KLHL17: variants seen among roughly 807,000 people sequenced by gnomAD.
The protein encoded by KLHL17 is kelch-like protein 17.
Under a neutral mutation model 64.6 loss-of-function variants are expected in KLHL17, and 71 were observed. The observed-to-expected ratio is 1.10, with a 90% confidence interval of 0.91 to 1.34. The LOEUF is 1.34. KLHL17 is among the 40% of genes most tolerant of loss of function. KLHL17 has a pLI of 0.00. For missense variants in KLHL17, 1,140 were observed against 935.0 expected, an observed-to-expected ratio of 1.22 and a Z score of -2.86; for synonymous variants, 612 against 405.4, an observed-to-expected ratio of 1.51 and a Z score of -6.12.
In KLHL17 at chr1:962,481, G is replaced by A. The variant is rs557556167; in HGVS notation, c.828+10G>A. ...GCAGCATGTCCCACGGGTGAGGCGC[G>A]GCCGCGGGGGGCTCCCACAGCATCC... is the stretch of plus-strand genomic sequence containing the variant. On this transcript the variant is annotated intron_variant, in intron 5 of 11. Coordinates refer to ENST00000338591, the MANE Select transcript of KLHL17 (RefSeq NM_198317.3). 24 of 1,611,312 alleles carry A rather than the reference G, an allele frequency of 1.5e-5. No homozygotes were observed. The African/African-American group carries it at 1.7e-4, about 12-fold the overall frequency.
In KLHL17 at chr1:961,649, C is replaced by CA. The variant is rs756310467; in HGVS notation, c.389dup (p.Thr131AspfsTer24). The stretch of plus-strand genomic sequence containing the variant: ...CGCAGATGAGATGAGCGAGAGCCGC[C>CA]AGACCCACGTGACGCTGCACGACAT... On this transcript the variant is annotated frameshift_variant, in exon 3 of 12. Coordinates refer to ENST00000338591, the MANE Select transcript of KLHL17 (RefSeq NM_198317.3). LOFTEE classifies it high-confidence loss of function. 138 of 1,612,656 alleles carry CA rather than the reference C, an allele frequency of 8.6e-5. No homozygotes were observed. Among genetic ancestry groups the CA allele is most frequent in the Non-Finnish European group, 1.1e-4 (134 of 1,179,850 alleles).
rs1302626207 is a variant in KLHL17 at position 965,195 on chromosome 1, A to G, written c.*4A>G. On this transcript the variant is annotated 3_prime_UTR_variant, in exon 12 of 12. Transcript: ENST00000338591. ...CGTGTCCTCCACCAGCCTCTGACCC[A>G]CCTACCACCAGAGGCCTGCAGCCTC... 6.2e-7 allele frequency: 1 copy of G among 1,610,752 alleles called. No homozygotes were observed. Among genetic ancestry groups the G allele is most frequent in the South Asian group, 1.1e-5 (1 of 90,966 alleles).
At position 962,795 on chromosome 1, in the gene KLHL17, G is replaced by GC. The variant is rs746791400; in HGVS notation, c.921dup (p.Lys308GlnfsTer15). The GC allele has an allele frequency of 2.5e-6, 4 of 1,610,690 alleles. No individual in the cohort carries two copies. Among genetic ancestry groups the GC allele is most frequent in the Non-Finnish European group, 3.4e-6 (4 of 1,179,614 alleles). On this transcript the variant is annotated frameshift_variant, in exon 6 of 12. Transcript: ENST00000338591. LOFTEE classifies it high-confidence loss of function. ...AGCCTGGTGAGGCACCACCCTGACT[G>GC]CAAGGACCTCCTCATCGAGGCCCTG...
intron 9 of KLHL17, 36 bp downstream of exon 9, chr1:964,044 C>T (rs2100424551): frequency 6.2e-7 from 1 of 1,612,288 alleles, no homozygotes; most frequent in Non-Finnish European, 8.5e-7. Flanking sequence ...GCATCCCCAC[C>T]TTCCCCCACC....
Position 960,744 on chromosome 1 carries a change from C to A in KLHL17, c.51C>A (p.His17Gln). ...CCGGCAGGACGCAGAGCCCGGAGCA[C>A]GGCAGCCCGGGGCCCGGGCCCGAGG... Reference protein sequence around the residue: ...RPAGRTQSPEHGSPGPGPEAP... With the variant: ...RPAGRTQSPEQGSPGPGPEAP... The change falls in exon 1 of 12, where the codon CAC (histidine) becomes CAA (glutamine). Residue 17 changes from histidine (H) to glutamine (Q), a missense_variant. Transcript: ENST00000338591. 1 of 1,221,996 alleles carries A rather than the reference C, an allele frequency of 8.2e-7. No homozygotes were observed. Among genetic ancestry groups the A allele is most frequent in the South Asian group, 2.6e-5 (1 of 38,262 alleles). 75.7% of individuals were successfully genotyped at this position (1,221,996 alleles called of 1,614,324 possible).
rs1642878069 is a variant in KLHL17, at chr1:964,980, T to C, written c.1718T>C (p.Val573Ala). Reference protein sequence around the residue: ...MNIRRSTHDLVAMDGWLYAVG... With the variant: ...MNIRRSTHDLAAMDGWLYAVG... ...CCCCCCAGGAGCACGCATGACCTGG[T>C]GGCCATGGACGGATGGTTGTACGCC... The change falls in exon 12 of 12, where the codon GTG (valine) becomes GCG (alanine). Residue 573 changes from valine (V) to alanine (A), a missense_variant. Val to Ala is a moderately conservative substitution (Grantham distance 64). Coordinates refer to ENST00000338591, the MANE Select transcript of KLHL17 (RefSeq NM_198317.3). 12 of 1,608,878 alleles carry C rather than the reference T, an allele frequency of 7.5e-6. No homozygotes were observed. Among genetic ancestry groups the C allele is most frequent in the Non-Finnish European group, 1.0e-5 (12 of 1,177,120 alleles).
chr1:963,450 T>C lies in KLHL17; in HGVS notation c.1301T>C (p.Leu434Ser), dbSNP rs140681689. The C allele has an allele frequency of 2.8e-5, 45 of 1,612,582 alleles. No individual in the cohort carries two copies. The African/African-American group carries it at 2.9e-4, about 11-fold the overall frequency. ...CGAAGCTGCCTGGGTGTGGCCGCCTTGCATGGACTCCTGTACTCGGCCGGC... is the reference window on the plus strand; with the variant it reads ...CGAAGCTGCCTGGGTGTGGCCGCCTCGCATGGACTCCTGTACTCGGCCGGC... ...TRRSCLGVAA[L>S]HGLLYSAGGY... The change falls in exon 8 of 12, where the codon TTG becomes TCG. Residue 434 changes from leucine to serine, a missense_variant. Transcript: ENST00000338591.
Position 961,979 on chromosome 1 carries a change from A to G in KLHL17, c.643A>G (p.Arg215Gly), listed in dbSNP as rs1257421478. ...SCSDLLKAAH[R>G]YVLQHFVDVA... ...CAGCGACCTGCTCAAGGCCGCCCACAGGTACGTGCTGCAGCACTTCGTGGA... is the reference window on the plus strand; with the variant it reads ...CAGCGACCTGCTCAAGGCCGCCCACGGGTACGTGCTGCAGCACTTCGTGGA... Residue 215 changes from arginine to glycine, a missense_variant, in exon 4 of 12, where the codon AGG becomes GGG. Physicochemically the swap from Arg to Gly is moderately radical, Grantham distance 125 (BLOSUM62 -2). Transcript: ENST00000338591. 12 of 1,612,782 alleles carry G rather than the reference A, an allele frequency of 7.4e-6. 1 individual carries two copies. The South Asian group carries it at 1.3e-4, about 18-fold the overall frequency.
At position 962,809 on chromosome 1, in the gene KLHL17, A is replaced by T; in HGVS notation, c.934A>T (p.Ile312Phe). The T allele has an allele frequency of 6.2e-7, 1 of 1,609,676 alleles. No homozygotes were observed. The highest frequency in any genetic ancestry group is 8.5e-7 in the Non-Finnish European group (1 of 1,179,322). Reference sequence around the variant, plus strand: ...CCACCCTGACTGCAAGGACCTCCTCATCGAGGCCCTGAAGTTCCACCTGCT... The same window carrying T: ...CCACCCTGACTGCAAGGACCTCCTCTTCGAGGCCCTGAAGTTCCACCTGCT... Reference protein sequence around the residue: ...RHHPDCKDLLIEALKFHLLPE... With the variant: ...RHHPDCKDLLFEALKFHLLPE... The change falls in exon 6 of 12, where the codon ATC becomes TTC. Residue 312 changes from isoleucine to phenylalanine, a missense_variant. Coordinates refer to ENST00000338591, the MANE Select transcript of KLHL17 (RefSeq NM_198317.3).
In KLHL17 at chr1:962,693, C is replaced by G. The variant is rs373468940; in HGVS notation, c.829-11C>G. On this transcript the variant is annotated splice_polypyrimidine_tract_variant and intron_variant, in intron 5 of 11. Transcript: ENST00000338591. ...GGGTCCCGCCTGACCTTGGCGTTCC[C>G]TGCACCCCAGCTCATGAAGTGTGTG... 1 of 1,579,560 alleles carries G rather than the reference C, an allele frequency of 6.3e-7. No individual in the cohort carries two copies. Among genetic ancestry groups the G allele is most frequent in the African/African-American group, 1.3e-5 (1 of 74,216 alleles).
At position 963,382 on chromosome 1, in the gene KLHL17, C is replaced by G. The variant is rs148507945; in HGVS notation, c.1233C>G (p.Pro411=). Residue 411 remains proline, a synonymous_variant, in exon 8 of 12, where the codon CCC becomes CCG. Coordinates refer to ENST00000338591, the MANE Select transcript of KLHL17 (RefSeq NM_198317.3). ...SDLATVESYD[P]VTNTWQPEVS... is the part of the protein sequence containing the mutation. Reference sequence around the variant, plus strand: ...TGGCTACCGTGGAGTCCTACGACCCCGTGACTAACACGTGGCAGCCGGAGG... The same window carrying G: ...TGGCTACCGTGGAGTCCTACGACCCGGTGACTAACACGTGGCAGCCGGAGG... 8 of 1,612,434 alleles carry G rather than the reference C, an allele frequency of 5.0e-6. No homozygotes were observed. In the African/African-American group the frequency reaches 8.0e-5, roughly 16 times the overall value.
chr1:963,602 G>A, intron 8 of KLHL17, 98 bp downstream of exon 8: 7 of 1,383,362 alleles, frequency 5.1e-6, no homozygotes, highest in Non-Finnish European at 6.8e-6. Flanking sequence ...GGGTGTTAAA[G>A]GAGGTGATCC....
intron 6 of KLHL17, 44 bp downstream of exon 6, chr1:962,961 T>C: frequency 6.6e-7 from 1 of 1,519,664 alleles, no homozygotes; most frequent in East Asian, 2.3e-5. Flanking sequence ...TGCCTTCTAC[T>C]CCCCACCAGC....
chr1:963,225 G>A lies in KLHL17; in HGVS notation c.1159G>A (p.Val387Met), dbSNP rs1642740798. 1.9e-6 allele frequency: 3 copies of A among 1,607,392 alleles called. No individual in the cohort carries two copies. The highest frequency in any genetic ancestry group is 2.6e-6 in the Non-Finnish European group (3 of 1,176,116). The change falls in exon 7 of 12, where the codon GTG becomes ATG. Residue 387 changes from valine to methionine, a missense_variant. Coordinates refer to ENST00000338591, the MANE Select transcript of KLHL17 (RefSeq NM_198317.3). Reference protein sequence around the residue: ...TRRARVGVAAVGNRLYAVGGY... With the variant: ...TRRARVGVAAMGNRLYAVGGY... ...CCGGGCCCGGGTGGGAGTGGCTGCG[G>A]TGGGGAACCGGCTCTATGCTGTGGG... is the stretch of plus-strand genomic sequence containing the variant.
In KLHL17 at chr1:961,344, G is replaced by C; in HGVS notation, c.159G>C (p.Met53Ile). The C allele has an allele frequency of 6.4e-7, 1 of 1,571,000 alleles. No individual in the cohort carries two copies. The highest frequency in any genetic ancestry group is 8.6e-7 in the Non-Finnish European group (1 of 1,162,394). The change falls in exon 2 of 12, where the codon ATG becomes ATC. Residue 53 changes from methionine to isoleucine, a missense_variant. Met to Ile is a conservative substitution (Grantham distance 10). Transcript: ENST00000338591. ...GGCAGGCTCGGCCCGCAGCCCCCAT[G>C]GAGGGAGCCGTGCAGCTGCTGAGCC... ...RPRQARPAAP[M>I]EGAVQLLSRE...
chr1:963,239 C>G lies in KLHL17; in HGVS notation c.1173C>G (p.Leu391=). 6.2e-7 allele frequency: 1 copy of G among 1,604,920 alleles called. No individual in the cohort carries two copies. The change falls in exon 7 of 12, where the codon CTC becomes CTG. Residue 391 remains leucine, a synonymous_variant. Coordinates refer to ENST00000338591, the MANE Select transcript of KLHL17 (RefSeq NM_198317.3). ...GAGTGGCTGCGGTGGGGAACCGGCT[C>G]TATGCTGTGGGCGGGTAAGCCTGGA... is the stretch of plus-strand genomic sequence containing the variant. ...RVGVAAVGNR[L]YAVGGYDGTS...
rs369390543 is a variant in KLHL17 at position 963,383 on chromosome 1, G to A, written c.1234G>A (p.Val412Met). ...DLATVESYDPVTNTWQPEVSM... is the reference protein window; with the variant it reads ...DLATVESYDPMTNTWQPEVSM... ...GGCTACCGTGGAGTCCTACGACCCCGTGACTAACACGTGGCAGCCGGAGGT... is the reference window on the plus strand; with the variant it reads ...GGCTACCGTGGAGTCCTACGACCCCATGACTAACACGTGGCAGCCGGAGGT... Residue 412 changes from valine to methionine, a missense_variant, in exon 8 of 12, where the codon GTG (valine) becomes ATG (methionine). Physicochemically the swap from Val to Met is conservative, Grantham distance 21. Coordinates refer to ENST00000338591, the MANE Select transcript of KLHL17 (RefSeq NM_198317.3). 57 of 1,612,396 alleles carry A rather than the reference G, an allele frequency of 3.5e-5. No individual in the cohort carries two copies. The highest frequency in any genetic ancestry group is 6.6e-5 in the South Asian group (6 of 91,052).
At chr1:962,085 A>AC in intron 4 of KLHL17, 38 bp downstream of exon 4, 29 of 822,324 alleles carry the variant, frequency 3.5e-5, no homozygotes, top group South Asian at 1.9e-4. Context: ...CCCCCACCCC[A>AC]CCCCACCCCA....
intron 2 of KLHL17, 38 bp downstream of exon 2, chr1:961,590 G>A (rs1320786380): frequency 6.2e-7 from 1 of 1,612,736 alleles, no homozygotes; most frequent in African/African-American, 1.3e-5. Context: ...GGCTCCGTGG[G>A]TCCCTCGGGT....
Sources: allele counts gnomAD v4.1 joint callset, GRCh38; gene constraint gnomAD v4.1.1; transcripts MANE v1.5; gene names NCBI Gene and HGNC (gene_info 2026-07-23, HGNC 2026-07-21).